CLYBL: variants seen among roughly 807,000 people sequenced by gnomAD.
CLYBL encodes citramalyl-CoA lyase.
CLYBL carries 31 observed loss-of-function variants against 38.9 expected under a neutral mutation model. The observed-to-expected ratio is 0.80, with a 90% CI of 0.60 to 1.08. The LOEUF (loss-of-function observed/expected upper bound fraction) is 1.08. Among genes scored for constraint, CLYBL ranks in the 50% least tolerant of loss-of-function variants. The probability of loss-of-function intolerance (pLI) is 0.00; values close to 1 mark genes in which losing one functional copy is unlikely to be tolerated. For missense variants in CLYBL, 434 were observed against 411.6 expected, an observed-to-expected ratio of 1.05 and a Z score of -0.47; for synonymous variants, 171 against 158.6, an observed-to-expected ratio of 1.08 and a Z score of -0.59.
At chr13:99,787,683 A>G (rs2049826454) in intron 2 of CLYBL, among the ~76,000 whole-genome samples, 1 of 152,094 alleles carries the variant, frequency 6.6e-6, no homozygotes, top group East Asian at 1.9e-4. Context: ...GGCGATGCGG[A>G]TTCTTTTTTG....
chr13:99,715,607 G>A (rs761621807), intron 1 of CLYBL, among the ~76,000 whole-genome samples: 4 of 151,820 alleles, frequency 2.6e-5, no homozygotes, highest in East Asian at 1.9e-4. Context: ...GAATCCACCC[G>A]CCTTGGCCTC....
At chr13:99,732,869 A>T (rs2048613815) in intron 1 of CLYBL, among the ~76,000 whole-genome samples, 1 of 152,190 alleles carries the variant, frequency 6.6e-6, no homozygotes. Flanking sequence ...TTTTCATTTG[A>T]ATGATTAACA....
chr13:99,610,017 C>T (rs2046602166), intron 1 of CLYBL, among the ~76,000 whole-genome samples: 1 of 152,220 alleles, frequency 6.6e-6, no homozygotes, highest in Non-Finnish European at 1.5e-5. Context: ...ATCCTCCTGC[C>T]TCAGCCTCCC....
chr13:99,889,675 G>A (rs1330234745), intron 7 of CLYBL, among the ~76,000 whole-genome samples: 1 of 152,158 alleles, frequency 6.6e-6, no homozygotes, highest in Non-Finnish European at 1.5e-5. Flanking sequence ...TCTAATCCTA[G>A]TAGGCTTAGA....
chr13:99,681,192 G>A (rs1019279759), intron 1 of CLYBL, among the ~76,000 whole-genome samples: 7 of 152,244 alleles, frequency 4.6e-5, no homozygotes, highest in African/African-American at 9.6e-5. Context: ...GATAAAGTAC[G>A]TTATTGGGAT....
chr13:99,638,112 A>C (rs1363781379), intron 1 of CLYBL, among the ~76,000 whole-genome samples: 1 of 151,422 alleles, frequency 6.6e-6, no homozygotes, highest in Non-Finnish European at 1.5e-5. Flanking sequence ...CACCAGCTAC[A>C]CCTGGCTAAT....
chr13:99,901,654 T>TGTTTG (rs199847298), downstream of CLYBL, among the ~76,000 whole-genome samples: 1 of 141,904 alleles, frequency 7.0e-6, no homozygotes, highest in African/African-American at 2.8e-5. Context: ...TGTTTTTTTT[T>TGTTTG]TTTGTTTGTT....
chr13:99,733,488 T>C (rs773625805), intron 1 of CLYBL, among the ~76,000 whole-genome samples: 4 of 152,250 alleles, frequency 2.6e-5, no homozygotes, highest in Non-Finnish European at 4.4e-5. Context: ...CTTTTTATCT[T>C]GTGCACCACC....
rs559170725 is a variant in CLYBL, at chr13:99,607,530, C to T, written c.62+773C>T. ...TGTCTTTGGACCACACTTTGAGAAC[C>T]GCTGGTCTAGCACTTGCCCATCGCC... On this transcript the variant is annotated intron_variant, in intron 1 of 8. Coordinates refer to ENST00000339105, the MANE Select transcript of CLYBL (RefSeq NM_206808.5). 9.2e-5 allele frequency among the ~76,000 whole-genome samples: 14 copies of T among 152,292 alleles called. No individual in the cohort carries two copies. In the South Asian group the frequency reaches 2.9e-3, roughly 32 times the overall value.
intron 2 of CLYBL, among the ~76,000 whole-genome samples, chr13:99,839,137 T>C (rs949290982): frequency 2.6e-5 from 4 of 152,226 alleles, no homozygotes; most frequent in African/African-American, 9.6e-5. Flanking sequence ...ATTAATGCAC[T>C]TACAGGTGGG....
At chr13:99,738,831 G>A (rs1398618160) in intron 1 of CLYBL, among the ~76,000 whole-genome samples, 1 of 152,096 alleles carries the variant, frequency 6.6e-6, no homozygotes, top group Non-Finnish European at 1.5e-5. Context: ...GGAGGAGGGA[G>A]GGGGACAAGG....
intron 1 of CLYBL, among the ~76,000 whole-genome samples, chr13:99,619,516 T>C (rs1300895176): frequency 6.6e-6 from 1 of 152,254 alleles, no homozygotes; most frequent in Non-Finnish European, 1.5e-5. Context: ...CATATTAAGA[T>C]AGAAACTTAT....
intron 2 of CLYBL, among the ~76,000 whole-genome samples, chr13:99,851,293 G>T (rs1334013799): frequency 6.6e-6 from 1 of 151,274 alleles, no homozygotes; most frequent in Non-Finnish European, 1.5e-5. Flanking sequence ...CTTGAGTACG[G>T]GAGGCGGAGG....
chr13:99,855,019 C>G (rs1228722609), intron 2 of CLYBL, among the ~76,000 whole-genome samples: 4 of 152,200 alleles, frequency 2.6e-5, no homozygotes, highest in Non-Finnish European at 5.9e-5. Flanking sequence ...TCTGTGCCAA[C>G]TTCCTCTATG....
chr13:99,881,027 C>T (rs1250641058), intron 7 of CLYBL, among the ~76,000 whole-genome samples: 4 of 152,250 alleles, frequency 2.6e-5, no homozygotes, highest in Non-Finnish European at 5.9e-5. Flanking sequence ...TGGCTTTTCA[C>T]TGTGCTTCCC....
intron 1 of CLYBL, among the ~76,000 whole-genome samples, chr13:99,736,633 A>G (rs1166007044): frequency 2.6e-5 from 4 of 151,892 alleles, no homozygotes; most frequent in South Asian, 2.1e-4. Flanking sequence ...GATGAAATCT[A>G]TGGTCCTGCC....
At chr13:99,709,268 G>C (rs1292569437) in intron 1 of CLYBL, among the ~76,000 whole-genome samples, 4 of 152,182 alleles carry the variant, frequency 2.6e-5, no homozygotes, top group Admixed American at 2.6e-4. Flanking sequence ...GTCCTCAGAA[G>C]GAGCCAGCCC....
chr13:99,882,589 G>A (rs535270937), intron 7 of CLYBL, among the ~76,000 whole-genome samples: 33 of 152,098 alleles, frequency 2.2e-4, no homozygotes, highest in African/African-American at 6.8e-4. Flanking sequence ...ACCTGAGCCC[G>A]GGAAGTCAAG....
intron 1 of CLYBL, among the ~76,000 whole-genome samples, chr13:99,680,886 T>A (rs2047724797): frequency 6.6e-6 from 1 of 152,206 alleles, no homozygotes; most frequent in South Asian, 2.1e-4. Context: ...ACAAACTACC[T>A]AGTTGATAAG....
Sources: gnomAD v4.1 joint callset for allele counts (sites outside exome capture counted in the v4.1 genomes callset) on GRCh38, gnomAD v4.1.1 for gene constraint, MANE v1.5 for transcripts, NCBI Gene and HGNC (gene_info 2026-07-23, HGNC 2026-07-21) for gene names.